OPCML: variants seen among roughly 807,000 people sequenced by gnomAD.
The protein encoded by OPCML is opioid binding protein/cell adhesion molecule like.
A neutral mutation model predicts 37.8 loss-of-function variants in OPCML; 13 were observed. That is an observed-to-expected ratio of 0.34 (90% CI 0.22 to 0.55). The LOEUF (loss-of-function observed/expected upper bound fraction) is 0.55, where lower values mean the gene tolerates loss of function less well. Ranked by LOEUF, OPCML falls within the 20% of genes least tolerant of loss-of-function variation. The pLI is 0.91. For missense variants in OPCML, 341 were observed against 435.6 expected (o/e 0.78, Z 1.93); for synonymous variants, 176 against 168.8 (o/e 1.04, Z -0.33).
At chr11:133,386,213 T>A (rs548520198) in intron 1 of OPCML, among the ~76,000 whole-genome samples, 2 of 152,344 alleles carry the variant, frequency 1.3e-5, no homozygotes, top group South Asian at 4.1e-4. Context: ...CAGTTTTTTC[T>A]TTCTTTTTAT....
intron 2 of OPCML, among the ~76,000 whole-genome samples, chr11:132,830,550 C>T (rs545886727): frequency 6.6e-6 from 1 of 152,318 alleles, no homozygotes; most frequent in Non-Finnish European, 1.5e-5. Flanking sequence ...TCATCAACCT[C>T]TTTCTACTTG....
At chr11:133,155,568 T>C (rs1950047527) in intron 1 of OPCML, among the ~76,000 whole-genome samples, 1 of 152,254 alleles carries the variant, frequency 6.6e-6, no homozygotes, top group Middle Eastern at 3.4e-3. Context: ...CCAAGCCTCC[T>C]TACTTCACCC....
At chr11:133,042,970 C>T (rs990326197) in intron 1 of OPCML, among the ~76,000 whole-genome samples, 1 of 152,304 alleles carries the variant, frequency 6.6e-6, no homozygotes, top group East Asian at 1.9e-4. Flanking sequence ...TACAGTTCCA[C>T]ACTGAAAAGA....
At chr11:133,390,213 CT>C (rs1235370340) in intron 1 of OPCML, among the ~76,000 whole-genome samples, 4 of 152,174 alleles carry the variant, frequency 2.6e-5, no homozygotes, top group South Asian at 2.1e-4. Flanking sequence ...AATCCCGGCA[CT>C]TTTGGGAGGC....
chr11:132,828,378 G>A (rs559341800), intron 2 of OPCML, among the ~76,000 whole-genome samples: 1 of 152,204 alleles, frequency 6.6e-6, no homozygotes, highest in South Asian at 2.1e-4. Flanking sequence ...GAACCCTAAT[G>A]TAAACCATGG....
chr11:132,997,662 G>A (rs1278437217), intron 1 of OPCML, among the ~76,000 whole-genome samples: 1 of 152,202 alleles, frequency 6.6e-6, no homozygotes, highest in Non-Finnish European at 1.5e-5. Context: ...CATCCACCAT[G>A]GACTCTCAAG....
At chr11:133,108,542 G>C (rs1949198756) in intron 1 of OPCML, among the ~76,000 whole-genome samples, 1 of 152,002 alleles carries the variant, frequency 6.6e-6, no homozygotes, top group Non-Finnish European at 1.5e-5. Context: ...GGGTAAATGG[G>C]AGCGTTAGGA....
In OPCML at chr11:132,765,940, A is replaced by T. The variant is rs555749382; in HGVS notation, c.147-108621T>A. ...GTTCTGTCATGCCAGAGAGAAAGAA[A>T]ATGTGCAAAAAATAATGAGCACACA... On this transcript the variant is annotated intron_variant, in intron 2 of 7. Transcript: ENST00000524381. Among the ~76,000 whole-genome samples the T allele has an allele frequency of 2.0e-5, 3 of 152,282 alleles. No individual in the cohort carries two copies. The South Asian group carries it at 6.2e-4, about 32-fold the overall frequency.
At chr11:133,391,992 T>A (rs1347387866) in intron 1 of OPCML, among the ~76,000 whole-genome samples, 1 of 152,092 alleles carries the variant, frequency 6.6e-6, no homozygotes, top group Non-Finnish European at 1.5e-5. Flanking sequence ...CCATAATCAA[T>A]CACTGATGTA....
chr11:132,752,867 T>C (rs1464822037), intron 2 of OPCML, among the ~76,000 whole-genome samples: 1 of 152,164 alleles, frequency 6.6e-6, no homozygotes, highest in Non-Finnish European at 1.5e-5. Context: ...AGTTGGCTCT[T>C]GTTGAGTCCA....
intron 1 of OPCML, among the ~76,000 whole-genome samples, chr11:133,453,692 C>T (rs1243881259): frequency 1.3e-5 from 2 of 152,120 alleles, no homozygotes; most frequent in African/African-American, 2.4e-5. Context: ...TTCCAGGGTT[C>T]CACTCACCAA....
chr11:133,018,343 G>A (rs1313066469), intron 1 of OPCML, among the ~76,000 whole-genome samples: 2 of 152,136 alleles, frequency 1.3e-5, no homozygotes, highest in Non-Finnish European at 2.9e-5. Flanking sequence ...ATACGTGTGT[G>A]TGCATATTCT....
chr11:132,528,378 A>G (rs2096314324), intron 4 of OPCML, among the ~76,000 whole-genome samples: 1 of 152,152 alleles, frequency 6.6e-6, no homozygotes, highest in East Asian at 1.9e-4. Flanking sequence ...TTTTAGTAAC[A>G]GTGTAAATAT....
rs561312055 is a variant in OPCML at position 132,672,115 on chromosome 11, T to C, written c.147-14796A>G. ...ACATTGCCCTTGCCATCAGTCCAGC[T>C]GGGGTCTCTCATTCTCCTTTTCCTG... On this transcript the variant is annotated intron_variant, in intron 2 of 7. Coordinates refer to ENST00000524381, the MANE Select transcript of OPCML (RefSeq NM_001012393.5). Among the ~76,000 whole-genome samples, 533 of 152,264 alleles carry C rather than the reference T, an allele frequency of 3.5e-3. 4 individuals carry two copies. Among genetic ancestry groups the C allele is most frequent in the South Asian group, 0.021 (101 of 4,830 alleles).
intron 1 of OPCML, among the ~76,000 whole-genome samples, chr11:133,444,799 G>GT (rs36002246): frequency 0.25 from 36,360 of 146,514 alleles, 6,204 homozygotes; most frequent in African/African-American, 0.49. Flanking sequence ...TTGTTTTTTG[G>GT]TTTTTTTTGC....
At chr11:132,568,537 AC>A (rs1032185145) in intron 3 of OPCML, among the ~76,000 whole-genome samples, 2 of 152,194 alleles carry the variant, frequency 1.3e-5, no homozygotes, top group Non-Finnish European at 1.5e-5. Flanking sequence ...ATGCAGACAC[AC>A]GCAGAGGAAA....
intron 3 of OPCML, 85 bp from the exon 4 acceptor site, chr11:132,529,271 C>A: frequency 6.8e-7 from 1 of 1,469,110 alleles, no homozygotes; most frequent in Non-Finnish European, 9.1e-7. Context: ...TTTTGTATAG[C>A]ATGTTTTTAT....
chr11:132,550,010 T>C (rs1224530442), intron 3 of OPCML, among the ~76,000 whole-genome samples: 1 of 152,132 alleles, frequency 6.6e-6, no homozygotes, highest in Non-Finnish European at 1.5e-5. Context: ...CCAGACAACA[T>C]AGCTGCTTCA....
chr11:133,492,022 G>A (rs1306202868), intron 1 of OPCML, among the ~76,000 whole-genome samples: 1 of 152,188 alleles, frequency 6.6e-6, no homozygotes, highest in Admixed American at 6.5e-5. Context: ...TCAAATCAGT[G>A]CCTAGAATCA....
Sources: gnomAD v4.1 joint callset for allele counts (sites outside exome capture counted in the v4.1 genomes callset) on GRCh38, gnomAD v4.1.1 for gene constraint, MANE v1.5 for transcripts, NCBI Gene and HGNC (gene_info 2026-07-23, HGNC 2026-07-21) for gene names.